PCLO: variants seen among roughly 807,000 people sequenced by gnomAD.
PCLO encodes the protein protein piccolo.
PCLO carries 82 observed loss-of-function variants against 427.5 expected under a neutral mutation model. The observed-to-expected ratio is 0.19, with a 90% CI of 0.16 to 0.23. The LOEUF (loss-of-function observed/expected upper bound fraction) is 0.23, where lower values mean the gene tolerates loss of function less well. Ranked by LOEUF, PCLO falls within the 10% of genes least tolerant of loss-of-function variation. PCLO has a pLI of 1.00. For missense variants in PCLO, 6,239 were observed against 6,115.9 expected (o/e 1.02, Z -0.67); for synonymous variants, 2,357 against 2,155.4 (o/e 1.09, Z -2.59).
chr7:82,938,586 A>G (rs1795009837), intron 6 of PCLO, among the ~76,000 whole-genome samples: 1 of 152,030 alleles, frequency 6.6e-6, no homozygotes, highest in Non-Finnish European at 1.5e-5. Flanking sequence ...CCTGATGACC[A>G]GTGAGCATAA....
intron 3 of PCLO, among the ~76,000 whole-genome samples, chr7:83,096,322 C>T (rs561714440): frequency 1.3e-5 from 2 of 152,162 alleles, no homozygotes; most frequent in Non-Finnish European, 2.9e-5. Context: ...CTTTCCACAT[C>T]TGCACTTCAG....
At position 83,008,306 on chromosome 7, in the gene PCLO, C is replaced by T. The variant is rs189460705; in HGVS notation, c.3301-41819G>A. Among the ~76,000 whole-genome samples the T allele has an allele frequency of 1.2e-3, 185 of 151,478 alleles. 1 individual carries two copies. The highest frequency in any genetic ancestry group is 3.4e-3 in the Middle Eastern group (1 of 292). On this transcript the variant is annotated intron_variant, in intron 3 of 24. Coordinates refer to ENST00000333891, the MANE Select transcript of PCLO (RefSeq NM_033026.6). ...AATAGTCATTAAAATATAGAATTACCCCATTTGTTAAAAACCGGTTAATAT... is the reference window on the plus strand; with the variant it reads ...AATAGTCATTAAAATATAGAATTACTCCATTTGTTAAAAACCGGTTAATAT...
At chr7:83,069,811 A>ACACACACACACG (rs1789765068) in intron 3 of PCLO, among the ~76,000 whole-genome samples, 1 of 87,152 alleles carries the variant, frequency 1.1e-5, no homozygotes, top group Non-Finnish European at 2.2e-5. Context: ...ACACACACAC[A>ACACACACACACG]CACACACACA....
At chr7:82,872,813 G>C (rs1793269110) in intron 10 of PCLO, among the ~76,000 whole-genome samples, 1 of 152,102 alleles carries the variant, frequency 6.6e-6, no homozygotes. Context: ...GAAAATAAAG[G>C]AACTAGAGTT....
chr7:82,830,482 A>C (rs569045670), intron 16 of PCLO, among the ~76,000 whole-genome samples: 1 of 152,116 alleles, frequency 6.6e-6, no homozygotes, highest in African/African-American at 2.4e-5. Context: ...AGAAAGAATT[A>C]GTGACGACTT....
intron 9 of PCLO, among the ~76,000 whole-genome samples, chr7:82,885,296 G>A (rs908355257): frequency 6.6e-6 from 1 of 152,110 alleles, no homozygotes; most frequent in Non-Finnish European, 1.5e-5. Context: ...CTGGCTGATA[G>A]CAAGAGTATG....
At position 83,018,547 on chromosome 7, in the gene PCLO, C is replaced by T. The variant is rs186680222; in HGVS notation, c.3301-52060G>A. Among the ~76,000 whole-genome samples the T allele has an allele frequency of 3.3e-5, 5 of 151,962 alleles. No homozygotes were observed. The East Asian group carries it at 9.7e-4, about 29-fold the overall frequency. On this transcript the variant is annotated intron_variant, in intron 3 of 24. Coordinates refer to ENST00000333891, the MANE Select transcript of PCLO (RefSeq NM_033026.6). ...TTTTTATATTTAGGCTAGAATACAT[C>T]TGACAAAATTATATAGTTTTATAAT...
intron 3 of PCLO, among the ~76,000 whole-genome samples, chr7:82,988,124 C>A (rs1338773259): frequency 6.6e-6 from 1 of 152,014 alleles, no homozygotes; most frequent in Non-Finnish European, 1.5e-5. Context: ...TAGTGATCCT[C>A]CCACCTCAGC....
At chr7:83,022,926 G>A (rs1259313466) in intron 3 of PCLO, among the ~76,000 whole-genome samples, 1 of 152,050 alleles carries the variant, frequency 6.6e-6, no homozygotes, top group Non-Finnish European at 1.5e-5. Context: ...TCTAGATCTT[G>A]CAAATTATCC....
At chr7:82,776,523 G>A (rs939249817) in intron 22 of PCLO, among the ~76,000 whole-genome samples, 3 of 152,168 alleles carry the variant, frequency 2.0e-5, no homozygotes, top group Non-Finnish European at 4.4e-5. Context: ...GGCTGGGGAT[G>A]GTGACTCATG....
intron 21 of PCLO, among the ~76,000 whole-genome samples, chr7:82,803,227 A>C (rs946730231): frequency 1.3e-5 from 2 of 152,094 alleles, no homozygotes; most frequent in Non-Finnish European, 2.9e-5. Flanking sequence ...TCAGTACGCT[A>C]CACTGGTAGA....
At chr7:83,115,894 A>G (rs1278020030) in intron 3 of PCLO, among the ~76,000 whole-genome samples, 4 of 151,910 alleles carry the variant, frequency 2.6e-5, no homozygotes, top group African/African-American at 9.7e-5. Context: ...TTCAGTCCCA[A>G]ACTCTTCCCA....
intron 6 of PCLO, among the ~76,000 whole-genome samples, chr7:82,925,812 C>A (rs1794700164): frequency 6.9e-6 from 1 of 144,952 alleles, no homozygotes. Flanking sequence ...TTGACCTGGA[C>A]TCAAGTGATC....
Position 82,954,470 on chromosome 7 carries a change from C to T in PCLO, c.6483G>A (p.Ser2161=), listed in dbSNP as rs760428461. The T allele has an allele frequency of 1.7e-5, 27 of 1,613,764 alleles. No individual in the cohort carries two copies. Among genetic ancestry groups the T allele is most frequent in the Admixed American group, 1.0e-4 (6 of 59,994 alleles). Residue 2161 remains serine, a synonymous_variant, in exon 5 of 25, where the codon TCG becomes TCA. Transcript: ENST00000333891. ...REIQEIIAHE[S]LILTYSEPSE... ...AAGGCTCCGAGTAGGTCAAAATCAG[C>T]GATTCATGGGCAATTATCTCTTGAA... is the stretch of plus-strand genomic sequence containing the variant.
chr7:82,808,346 A>G (rs79206737), intron 20 of PCLO, among the ~76,000 whole-genome samples: 2 of 151,924 alleles, frequency 1.3e-5, no homozygotes, highest in African/African-American at 4.8e-5. Flanking sequence ...TTTATTATCT[A>G]TGTTTCAAAA....
chr7:82,985,869 G>T (rs535783450), intron 3 of PCLO, among the ~76,000 whole-genome samples: 30 of 151,976 alleles, frequency 2.0e-4, no homozygotes, highest in African/African-American at 7.2e-4. Flanking sequence ...AGATAATACT[G>T]TTGTCTAGTC....
chr7:82,880,283 C>T (rs1793473998), intron 9 of PCLO: 2 of 268,338 alleles, frequency 7.5e-6, no homozygotes, highest in Non-Finnish European at 1.6e-5. Context: ...TGGCTCATCA[C>T]TGACCAAAAC....
At position 82,955,153 on chromosome 7, in the gene PCLO, C is replaced by T. The variant is rs1795477573; in HGVS notation, c.5800G>A (p.Ala1934Thr). 1 of 1,613,816 alleles carries T rather than the reference C, an allele frequency of 6.2e-7. No individual in the cohort carries two copies. Among genetic ancestry groups the T allele is most frequent in the Non-Finnish European group, 8.5e-7 (1 of 1,179,856 alleles). ...TCAAACACTTCATCTCGTTCATTTGCAGCTGGAAAAGCTTTGTATTTGTGT... is the reference window on the plus strand; with the variant it reads ...TCAAACACTTCATCTCGTTCATTTGTAGCTGGAAAAGCTTTGTATTTGTGT... ...KTHKYKAFPAANERDEVFEKE... is the reference protein window; with the variant it reads ...KTHKYKAFPATNERDEVFEKE... The change falls in exon 5 of 25, where the codon GCA becomes ACA. Residue 1934 changes from alanine (A) to threonine (T), a missense_variant. Around this residue, in one of 5 missense-constraint regions of PCLO, gnomAD observed 4,677 missense variants for 4,468.4 expected, o/e 1.05. Transcript: ENST00000333891.
At chr7:82,777,513 G>A (rs1790780088) in intron 22 of PCLO, among the ~76,000 whole-genome samples, 1 of 152,132 alleles carries the variant, frequency 6.6e-6, no homozygotes, top group Non-Finnish European at 1.5e-5. Context: ...ATACTGTGGG[G>A]CTATAGTAAC....
Sources: allele counts gnomAD v4.1 joint callset (sites outside exome capture counted in the v4.1 genomes callset), GRCh38; gene constraint gnomAD v4.1.1; regional missense constraint gnomAD v4.1.1; transcripts MANE v1.5; gene names NCBI Gene and HGNC (gene_info 2026-07-23, HGNC 2026-07-21).